The following TRIP6 variants were observed in gnomAD, a reference collection of about 807,000 sequenced individuals.
The protein encoded by TRIP6 is thyroid hormone receptor interactor 6, also known as thyroid receptor-interacting protein 6.
A neutral mutation model predicts 51.9 loss-of-function variants in TRIP6; 33 were observed. The observed-to-expected ratio is 0.64, with a 90% CI of 0.48 to 0.85. TRIP6 has a LOEUF of 0.85. Ranked by LOEUF, TRIP6 falls within the 40% of genes least tolerant of loss-of-function variation. The pLI is 0.00. For missense variants in TRIP6, 661 were observed against 652.1 expected, an observed-to-expected ratio of 1.01 and a Z score of -0.15; for synonymous variants, 255 against 275.8, an observed-to-expected ratio of 0.92 and a Z score of 0.75.
In TRIP6 at chr7:100,867,712, AGCCGAGGCGGGGGGAACAGCC is replaced by A; in HGVS notation, c.109+110_110-125del. The A allele has an allele frequency of 6.6e-7, 1 of 1,520,580 alleles. No homozygotes were observed. The highest frequency in any genetic ancestry group is 1.2e-5 in the South Asian group (1 of 80,872). 94.2% of individuals were successfully genotyped at this position (1,520,580 alleles called of 1,614,324 possible). A position where few individuals can be genotyped will look rare whatever the true frequency, so the allele number is the denominator to read the frequency against. ...GCTGCTTCCTCCTGCCCCTTCCCCA[AGCCGAGGCGGGGGGAACAGCC>A]GCCTGCGCTCTCTTGGGACCCTAGA... On this transcript the variant is annotated intron_variant, in intron 1 of 8. Coordinates refer to ENST00000200457, the MANE Select transcript of TRIP6 (RefSeq NM_003302.3). This position sits in a 1 kb window ranked among gnomAD's most constrained non-coding sequence, Gnocchi z 5.4.
chr7:100,872,689 C>T lies in TRIP6; in HGVS notation c.1244C>T (p.Thr415Ile). 6.2e-7 allele frequency: 1 copy of T among 1,614,116 alleles called. No individual in the cohort carries two copies. Among genetic ancestry groups the T allele is most frequent in the Non-Finnish European group, 8.5e-7 (1 of 1,180,012 alleles). The change falls in exon 8 of 9, where the codon ACT becomes ATT. Residue 415 changes from threonine to isoleucine, a missense_variant. By Grantham distance (89) the Thr-to-Ile change is moderately conservative. Coordinates refer to ENST00000200457, the MANE Select transcript of TRIP6 (RefSeq NM_003302.3). ...AIMPEPGQEE[T>I]VRIVALDRSF... The stretch of plus-strand genomic sequence containing the variant: ...ATGCCTGAGCCAGGTCAGGAGGAGA[C>T]TGTGAGAATTGTTGCTCTGGATCGA...
At position 100,873,166 on chromosome 7, in the gene TRIP6, C is replaced by T; in HGVS notation, c.1300-6C>T. On this transcript the variant is annotated splice_polypyrimidine_tract_variant and splice_region_variant and intron_variant, in intron 8 of 8. Transcript: ENST00000200457. The stretch of plus-strand genomic sequence containing the variant: ...GCCCGGCCAATTGTTGCTTCTTTTT[C>T]AACAGGAGTGTGGGCTGCTGCTCTC... The T allele has an allele frequency of 6.2e-7, 1 of 1,608,580 alleles. No individual in the cohort carries two copies. Among genetic ancestry groups the T allele is most frequent in the Non-Finnish European group, 8.5e-7 (1 of 1,176,548 alleles).
chr7:100,867,564 A>G lies in TRIP6; in HGVS notation c.67A>G (p.Ile23Val), dbSNP rs1563001379. 6.5e-7 allele frequency: 1 copy of G among 1,540,136 alleles called. No individual in the cohort carries two copies. Among genetic ancestry groups the G allele is most frequent in the East Asian group, 2.5e-5 (1 of 40,676 alleles). The stretch of plus-strand genomic sequence containing the variant: ...CGCCAGAGCCCCTCAGGGGAGGGCG[A>G]TCCCCCGCGGCACCCCGGGGCCACC... ...EPARAPQGRAIPRGTPGPPPA... is the reference protein window; with the variant it reads ...EPARAPQGRAVPRGTPGPPPA... The change falls in exon 1 of 9, where the codon ATC becomes GTC. Residue 23 changes from isoleucine to valine, a missense_variant. Coordinates refer to ENST00000200457, the MANE Select transcript of TRIP6 (RefSeq NM_003302.3). This position sits in a 1 kb window ranked among gnomAD's most constrained non-coding sequence, Gnocchi z 5.4.
chr7:100,871,159 C>T (rs753113431), intron 6 of TRIP6: 9 of 476,802 alleles, frequency 1.9e-5, no homozygotes, highest in Non-Finnish European at 2.9e-5. Flanking sequence ...CTCAGGCTCC[C>T]GAGCAGTTGG....
Position 100,868,869 on chromosome 7 carries a change from G to T in TRIP6, c.735+3G>T. 1 of 1,494,438 alleles carries T rather than the reference G, an allele frequency of 6.7e-7. No individual in the cohort carries two copies. The highest frequency in any genetic ancestry group is 1.4e-5 in the South Asian group (1 of 72,194). The allele number at this position is 1,494,438 out of a possible 1,614,324, so 92.6% of individuals were successfully genotyped here. On this transcript the variant is annotated splice_donor_region_variant and intron_variant, in intron 4 of 8. Transcript: ENST00000200457. ...GAGGAGGCGAGCACGGGCCCCAGGTGAGCCCTGGGGAACTGGGATTTCAGG... is the reference window on the plus strand; with the variant it reads ...GAGGAGGCGAGCACGGGCCCCAGGTTAGCCCTGGGGAACTGGGATTTCAGG...
chr7:100,870,147 C>T (rs979905179), intron 4 of TRIP6, among the ~76,000 whole-genome samples: 2 of 152,140 alleles, frequency 1.3e-5, no homozygotes, highest in African/African-American at 4.8e-5. Flanking sequence ...GGTTCATGCT[C>T]CTATGAGAAT....
At chr7:100,872,494 C>T in intron 7 of TRIP6, 130 bp from the exon 8 acceptor site, 1 of 1,398,594 alleles carries the variant, frequency 7.2e-7, no homozygotes, top group South Asian at 1.4e-5. Context: ...GACATCGTCC[C>T]TTCCCCAAGA....
At position 100,868,530 on chromosome 7, in the gene TRIP6, G is replaced by A. The variant is rs756644013; in HGVS notation, c.399G>A (p.Thr133=). The change falls in exon 4 of 9, where the codon ACG becomes ACA. Residue 133 remains threonine, a synonymous_variant. Coordinates refer to ENST00000200457, the MANE Select transcript of TRIP6 (RefSeq NM_003302.3). ...YEPPPPPAYR[T]GSLKPNPASP... is the part of the protein sequence containing the mutation. Reference sequence around the variant, plus strand: ...CCCCGCCACCTCCTGCCTACCGCACGGGCTCCCTGAAGCCAAATCCAGCCT... The same window carrying A: ...CCCCGCCACCTCCTGCCTACCGCACAGGCTCCCTGAAGCCAAATCCAGCCT... 3.7e-6 allele frequency: 6 copies of A among 1,612,924 alleles called. No homozygotes were observed. Among genetic ancestry groups the A allele is most frequent in the East Asian group, 2.2e-5 (1 of 44,888 alleles).
At chr7:100,872,576 C>T (rs1163152629) in intron 7 of TRIP6, 48 bp from the exon 8 acceptor site, 1 of 1,608,574 alleles carries the variant, frequency 6.2e-7, no homozygotes, top group Non-Finnish European at 8.5e-7. Context: ...TTGTTGGTGC[C>T]CTGCAACCCC....
rs746411837 is a variant in TRIP6 at position 100,872,741 on chromosome 7, C to T, written c.1296C>T (p.Cys432=). ...DRSFHIGCYK[C]EECGLLLSSE... ...GTTTTCACATTGGCTGTTACAAGTGCGAGGTCAGGGGCCCCCAGCACGTGC... is the reference window on the plus strand; with the variant it reads ...GTTTTCACATTGGCTGTTACAAGTGTGAGGTCAGGGGCCCCCAGCACGTGC... The change falls in exon 8 of 9, where the codon TGC becomes TGT. Residue 432 remains cysteine (C), a synonymous_variant. Transcript: ENST00000200457. 3.7e-5 allele frequency: 60 copies of T among 1,613,616 alleles called. 1 individual carries two copies. Among genetic ancestry groups the T allele is most frequent in the South Asian group, 5.5e-5 (5 of 91,078 alleles).
intron 4 of TRIP6, 51 bp from the exon 5 acceptor site, chr7:100,870,319 A>C: frequency 6.4e-7 from 1 of 1,567,356 alleles, no homozygotes; most frequent in East Asian, 2.4e-5. Flanking sequence ...GGGCCCTGGT[A>C]TTACAGCATC....
chr7:100,868,310 T>C (rs1415435777), intron 3 of TRIP6, 77 bp downstream of exon 3: 11 of 1,570,270 alleles, frequency 7.0e-6, no homozygotes, highest in East Asian at 2.3e-5. Context: ...CGATCCCCCA[T>C]GTGTGTAATG....
chr7:100,868,463 G>C, intron 3 of TRIP6, 32 bp from the exon 4 acceptor site: 1 of 1,612,900 alleles, frequency 6.2e-7, no homozygotes, highest in Non-Finnish European at 8.5e-7. Flanking sequence ...TGGGGTCCTT[G>C]CTTACGACTT....
intron 8 of TRIP6, 104 bp downstream of exon 8, chr7:100,872,848 CTTTCTTTTT>C: frequency 7.8e-7 from 1 of 1,281,318 alleles, no homozygotes; most frequent in Non-Finnish European, 1.0e-6. Context: ...CCTGTTGCTT[CTTTCTTTTT>C]TTTTTTTTTT....
In TRIP6 at chr7:100,868,524, C is replaced by T. The variant is rs1343102593; in HGVS notation, c.393C>T (p.Tyr131=). The stretch of plus-strand genomic sequence containing the variant: ...ATGAGCCCCCGCCACCTCCTGCCTA[C>T]CGCACGGGCTCCCTGAAGCCAAATC... ...QAYEPPPPPA[Y]RTGSLKPNPA... Residue 131 remains tyrosine, a synonymous_variant, in exon 4 of 9, where the codon TAC becomes TAT. Transcript: ENST00000200457. The T allele has an allele frequency of 6.2e-7, 1 of 1,612,984 alleles. No individual in the cohort carries two copies. Among genetic ancestry groups the T allele is most frequent in the African/African-American group, 1.3e-5 (1 of 74,946 alleles).
intron 4 of TRIP6, among the ~76,000 whole-genome samples, chr7:100,869,221 G>A (rs563847240): frequency 5.1e-4 from 77 of 151,530 alleles, no homozygotes; most frequent in Admixed American, 1.4e-3. Context: ...GCCTCCCAAA[G>A]TGCTGGGATT....
chr7:100,870,449 G>T lies in TRIP6; in HGVS notation c.815G>T (p.Ser272Ile). 6.2e-7 allele frequency: 1 copy of T among 1,613,624 alleles called. No homozygotes were observed. ...KLVHDMNHPP[S>I]GEYFGQCGGC... ...GTTCACGACATGAACCACCCGCCCAGCGGGGAGTACTTTGGTGAGCTGAGG... is the reference window on the plus strand; with the variant it reads ...GTTCACGACATGAACCACCCGCCCATCGGGGAGTACTTTGGTGAGCTGAGG... The change falls in exon 5 of 9, where the codon AGC (serine) becomes ATC (isoleucine). Residue 272 changes from serine to isoleucine, a missense_variant. Ser to Ile is a moderately radical substitution (Grantham distance 142). Coordinates refer to ENST00000200457, the MANE Select transcript of TRIP6 (RefSeq NM_003302.3).
intron 6 of TRIP6, 26 bp from the exon 7 acceptor site, chr7:100,871,517 G>T: frequency 6.2e-7 from 1 of 1,607,948 alleles, no homozygotes; most frequent in African/African-American, 1.3e-5. Context: ...CCCGCTCCCA[G>T]ATCTTCCTGC....
At chr7:100,869,667 C>T (rs917247632) in intron 4 of TRIP6, among the ~76,000 whole-genome samples, 6 of 147,896 alleles carry the variant, frequency 4.1e-5, no homozygotes, top group Non-Finnish European at 7.4e-5. Context: ...GAACTGCCTA[C>T]GGGCCCCTGG....
Sources: allele counts gnomAD v4.1 joint callset (sites outside exome capture counted in the v4.1 genomes callset), GRCh38; gene constraint gnomAD v4.1.1; non-coding constraint Gnocchi (gnomAD v3.1); transcripts MANE v1.5; gene names NCBI Gene and HGNC (gene_info 2026-07-23, HGNC 2026-07-21).